FER: variants seen among roughly 807,000 people sequenced by gnomAD.
FER encodes FER tyrosine kinase.
Under a neutral mutation model 111.0 loss-of-function variants are expected in FER, and 63 were observed. That is an observed-to-expected ratio of 0.57 (90% CI 0.46 to 0.70). The LOEUF is 0.70. Ranked by LOEUF, FER falls within the 30% of genes least tolerant of loss-of-function variation. FER has a pLI of 0.00. For synonymous variants in FER, 327 were observed against 313.9 expected (o/e 1.04, Z -0.44); for missense variants, 914 against 954.0 (o/e 0.96, Z 0.55).
intron 4 of FER, among the ~76,000 whole-genome samples, chr5:108,835,190 C>CCCA (rs1561487791): frequency 1.7e-5 from 2 of 116,496 alleles, no homozygotes; most frequent in Admixed American, 1.6e-4. Flanking sequence ...CGCCACCCCC[C>CCCA]CCCCCCCACT....
rs1764227976 is a variant in FER at position 108,998,071 on chromosome 5, C to A, written c.1656+38724C>A. On this transcript the variant is annotated intron_variant, in intron 13 of 19. Transcript: ENST00000281092. The stretch of plus-strand genomic sequence containing the variant: ...CCAGTGGATCTTAGCTTGCCAGGCT[C>A]CGTGGGTGTGGGACCTGCCGTACCA... Among the ~76,000 whole-genome samples the A allele has an allele frequency of 4.0e-5, 6 of 151,822 alleles. No homozygotes were observed. The South Asian group carries it at 1.3e-3, about 32-fold the overall frequency.
rs574570972 is a variant in FER, at chr5:109,100,472, C to T, written c.2001C>T (p.Asp667=). The T allele has an allele frequency of 2.4e-5, 38 of 1,611,340 alleles. No individual in the cohort carries two copies. Among genetic ancestry groups the T allele is most frequent in the Middle Eastern group, 3.3e-4 (2 of 6,044 alleles). ...KLKQLVKFSL[D]AAAGMLYLES... ...AACAGTTAGTGAAATTTTCATTAGA[C>T]GCTGCTGCTGGTATGTTGTATCTCG... The change falls in exon 17 of 20, where the codon GAC becomes GAT. Residue 667 remains aspartate (D), a synonymous_variant. Coordinates refer to ENST00000281092, the MANE Select transcript of FER (RefSeq NM_005246.4).
Position 109,118,295 on chromosome 5 carries a change from T to C in FER, c.2048+17776T>C, listed in dbSNP as rs192249529. ...GTTTTTGTCGTTGGTTCTGTTTATA[T>C]GCTGGATTATATTTATTGATTTTCG... On this transcript the variant is annotated intron_variant, in intron 17 of 19. Transcript: ENST00000281092. 1.6e-4 allele frequency among the ~76,000 whole-genome samples: 25 copies of C among 152,352 alleles called. No homozygotes were observed. The East Asian group carries it at 4.6e-3, about 28-fold the overall frequency.
At chr5:108,928,666 A>G (rs939216350) in intron 10 of FER, among the ~76,000 whole-genome samples, 2 of 152,086 alleles carry the variant, frequency 1.3e-5, no homozygotes, top group African/African-American at 4.8e-5. Flanking sequence ...TATGAACGGT[A>G]TAATTTTTAT....
At chr5:108,853,797 A>G (rs772743478) in intron 5 of FER, among the ~76,000 whole-genome samples, 21 of 152,294 alleles carry the variant, frequency 1.4e-4, no homozygotes, top group Middle Eastern at 3.4e-3. Context: ...CTTTTACTCA[A>G]GTAAGATGGG....
At chr5:108,839,576 T>A (rs527451604) in intron 5 of FER, among the ~76,000 whole-genome samples, 2 of 134,592 alleles carry the variant, frequency 1.5e-5, no homozygotes, top group African/African-American at 6.3e-5. Flanking sequence ...CATTTTCTTT[T>A]TTTTTTTTTT....
intron 13 of FER, among the ~76,000 whole-genome samples, chr5:109,033,337 C>G (rs1028644565): frequency 6.6e-6 from 1 of 152,112 alleles, no homozygotes; most frequent in African/African-American, 2.4e-5. Context: ...GAAACCAGCT[C>G]TGGAGCAGTT....
At chr5:109,071,114 A>G (rs542135286) in intron 16 of FER, among the ~76,000 whole-genome samples, 25 of 152,162 alleles carry the variant, frequency 1.6e-4, no homozygotes, top group African/African-American at 6.0e-4. Flanking sequence ...ATTACACTAT[A>G]ATTAAATTTC....
At chr5:109,043,380 A>G (rs191099308) in intron 14 of FER, among the ~76,000 whole-genome samples, 3 of 152,316 alleles carry the variant, frequency 2.0e-5, no homozygotes, top group Admixed American at 2.0e-4. Context: ...TAAATTTATC[A>G]CGAATGTTTA....
In FER at chr5:108,798,344, T is replaced by G; in HGVS notation, c.162T>G (p.Asp54Glu). 7.4e-6 allele frequency: 12 copies of G among 1,613,942 alleles called. No individual in the cohort carries two copies. The highest frequency in any genetic ancestry group is 1.0e-5 in the Non-Finnish European group (12 of 1,179,862). The change falls in exon 3 of 20, where the codon GAT becomes GAG. Residue 54 changes from aspartate (D) to glutamate (E), a missense_variant. By Grantham distance (45) the Asp-to-Glu change is conservative. Coordinates refer to ENST00000281092, the MANE Select transcript of FER (RefSeq NM_005246.4). ...TACAGAACCTTTGTAATCAAGTTGA[T>G]AAGGAAAGTACTGTCCAAATGAATT... The part of the protein sequence containing the change: ...STLQNLCNQV[D>E]KESTVQMNYV...
At chr5:108,893,192 C>G (rs369773087) in intron 9 of FER, among the ~76,000 whole-genome samples, 2 of 151,916 alleles carry the variant, frequency 1.3e-5, no homozygotes, top group East Asian at 3.9e-4. Context: ...TAGTTTTTTC[C>G]AATTCTGTGA....
chr5:109,143,697 C>G (rs1317357066), intron 17 of FER, among the ~76,000 whole-genome samples: 1 of 124,664 alleles, frequency 8.0e-6, no homozygotes, highest in Non-Finnish European at 1.8e-5. Flanking sequence ...TTCCACCAAT[C>G]TTTTTGTTTT....
At chr5:108,924,427 T>C (rs1036298804) in intron 10 of FER, among the ~76,000 whole-genome samples, 1 of 151,962 alleles carries the variant, frequency 6.6e-6, no homozygotes, top group African/African-American at 2.4e-5. Flanking sequence ...TTTCTTTACT[T>C]AATGTACAAG....
intron 17 of FER, among the ~76,000 whole-genome samples, chr5:109,128,805 G>T (rs576488339): frequency 6.6e-6 from 1 of 152,070 alleles, no homozygotes; most frequent in South Asian, 2.1e-4. Flanking sequence ...TAAAGTTTTT[G>T]TTGGAAAACT....
intron 9 of FER, among the ~76,000 whole-genome samples, chr5:108,892,000 C>G (rs1441468680): frequency 6.6e-6 from 1 of 151,984 alleles, no homozygotes; most frequent in Admixed American, 6.6e-5. Flanking sequence ...TGAACTCATC[C>G]TTTTTTATGG....
intron 16 of FER, among the ~76,000 whole-genome samples, chr5:109,055,790 C>G (rs375065313): frequency 1.4e-5 from 1 of 72,460 alleles, no homozygotes; most frequent in African/African-American, 4.8e-5. Flanking sequence ...AACCTTGTCT[C>G]AAAAAAAAAA....
chr5:109,165,420 G>A (rs1447751989), intron 17 of FER, among the ~76,000 whole-genome samples: 6 of 152,086 alleles, frequency 3.9e-5, no homozygotes, highest in East Asian at 3.9e-4. Context: ...ATTTGCTGGC[G>A]CCAGAGGTAT....
At chr5:108,955,340 T>G (rs1758300952) in intron 12 of FER, among the ~76,000 whole-genome samples, 1 of 151,776 alleles carries the variant, frequency 6.6e-6, no homozygotes, top group Non-Finnish European at 1.5e-5. Flanking sequence ...GAAAGATTTT[T>G]AAGAAATATT....
At chr5:109,067,057 G>T (rs944104847) in intron 16 of FER, among the ~76,000 whole-genome samples, 13 of 152,196 alleles carry the variant, frequency 8.5e-5, no homozygotes, top group Admixed American at 3.9e-4. Flanking sequence ...AAAACCTGTG[G>T]TGGGAGAAGG....
Sources: gnomAD v4.1 joint callset for allele counts (sites outside exome capture counted in the v4.1 genomes callset) on GRCh38, gnomAD v4.1.1 for gene constraint, MANE v1.5 for transcripts, NCBI Gene and HGNC (gene_info 2026-07-23, HGNC 2026-07-21) for gene names.